The following STAM variants were observed in gnomAD, a reference collection of about 807,000 sequenced individuals.
STAM encodes signal transducing adaptor molecule.
In STAM, 16 loss-of-function variants were observed where a neutral mutation model predicts 63.4. The ratio of observed to expected loss-of-function variants is 0.25; its 90% CI spans 0.17 to 0.38. The LOEUF is 0.38. Ranked by LOEUF, STAM falls within the 10% of genes least tolerant of loss-of-function variation. STAM has a pLI of 1.00. For synonymous variants in STAM, 238 were observed against 223.9 expected (o/e 1.06, Z -0.56); for missense variants, 636 against 657.1 (o/e 0.97, Z 0.35).
chr10:17,710,187 T>A (rs1406411174), intron 13 of STAM, among the ~76,000 whole-genome samples: 2 of 152,110 alleles, frequency 1.3e-5, no homozygotes, highest in African/African-American at 4.8e-5. Context: ...TTTGACTATG[T>A]CACATGCTGC....
At position 17,694,809 on chromosome 10, in the gene STAM, TGTTCA is replaced by T. The variant is rs1835684604; in HGVS notation, c.536-237_536-233del. ...TACCCAGAATAATTTACATTGTATT[TGTTCA>T]GTAAAAATAGGAGTTTTCATGCTGT... On this transcript the variant is annotated intron_variant, in intron 6 of 13. Coordinates refer to ENST00000377524, the MANE Select transcript of STAM (RefSeq NM_003473.4). 2.1e-5 allele frequency: 8 copies of T among 376,690 alleles called. No homozygotes were observed. The East Asian group carries it at 3.3e-4, about 15-fold the overall frequency. 23.3% of individuals were successfully genotyped at this position (376,690 alleles called of 1,614,324 possible).
intron 10 of STAM, 31 bp downstream of exon 10, chr10:17,704,549 A>C: frequency 6.4e-7 from 1 of 1,560,222 alleles, no homozygotes; most frequent in Non-Finnish European, 8.8e-7. Flanking sequence ...TTGCAAATAA[A>C]GAGTAGTTAG....
At position 17,705,670 on chromosome 10, in the gene STAM, A is replaced by T. The variant is rs537963189; in HGVS notation, c.1138A>T (p.Met380Leu). 1.2e-6 allele frequency: 2 copies of T among 1,614,046 alleles called. No homozygotes were observed. The highest frequency in any genetic ancestry group is 3.3e-5 in the Admixed American group (2 of 60,012). Residue 380 changes from methionine (M) to leucine (L), a missense_variant, in exon 12 of 14, where the codon ATG becomes TTG. Transcript: ENST00000377524. ...LYTKLMNEDP[M>L]YSMYAKLQNQ... ...TACCAAGTTAATGAACGAAGATCCG[A>T]TGTATTCCATGTATGCAAAGTTACA...
chr10:17,647,584 C>T (rs782187336), intron 1 of STAM, among the ~76,000 whole-genome samples: 11 of 151,982 alleles, frequency 7.2e-5, no homozygotes, highest in Non-Finnish European at 1.3e-4. Flanking sequence ...TGCTTGGATT[C>T]AGTCCCAGGT....
At chr10:17,684,591 C>T (rs1228399004) in intron 2 of STAM, 84 bp from the exon 3 acceptor site, 13 of 1,010,782 alleles carry the variant, frequency 1.3e-5, no homozygotes, top group Admixed American at 2.6e-5. Context: ...CCCTTTTTAT[C>T]GTAGTCTTTT....
chr10:17,699,188 G>C (rs1359506), intron 8 of STAM, among the ~76,000 whole-genome samples: 2,919 of 152,168 alleles, frequency 0.019, 30 homozygotes, highest in Middle Eastern at 0.027. Flanking sequence ...TTTTACAAAA[G>C]TTTTTAATCT....
chr10:17,673,028 G>A (rs1834704244), intron 2 of STAM: 2 of 985,368 alleles, frequency 2.0e-6, no homozygotes, highest in Non-Finnish European at 2.4e-6. Context: ...CCAAAATGGG[G>A]TTTTAAGAAG....
intron 2 of STAM, among the ~76,000 whole-genome samples, chr10:17,683,414 G>A (rs1315956846): frequency 6.6e-6 from 1 of 151,952 alleles, no homozygotes; most frequent in Non-Finnish European, 1.5e-5. Context: ...TGCCCACCTC[G>A]GCCTCCCAAA....
intron 2 of STAM, among the ~76,000 whole-genome samples, chr10:17,674,369 C>T (rs781808328): frequency 5.3e-5 from 8 of 152,046 alleles, no homozygotes; most frequent in Non-Finnish European, 1.0e-4. Context: ...GCAGTTCTTG[C>T]GTGGGGTCTG....
intron 1 of STAM, among the ~76,000 whole-genome samples, chr10:17,658,152 A>C (rs1324678500): frequency 6.6e-6 from 1 of 151,946 alleles, no homozygotes; most frequent in Non-Finnish European, 1.5e-5. Flanking sequence ...AATTTTGCGA[A>C]GTTGTATTTT....
At chr10:17,693,169 A>C (rs1835614107) in intron 5 of STAM, 53 bp from the exon 6 acceptor site, 2 of 1,513,632 alleles carry the variant, frequency 1.3e-6, no homozygotes, top group Non-Finnish European at 1.8e-6. Context: ...GGTGGGTGAG[A>C]GGAGGAGAAT....
At chr10:17,692,289 GAA>G (rs1564558466) in intron 5 of STAM, among the ~76,000 whole-genome samples, 2 of 152,302 alleles carry the variant, frequency 1.3e-5, no homozygotes, top group East Asian at 3.9e-4. Context: ...ACAAACAAGA[GAA>G]TGTGTAATTA....
chr10:17,690,682 C>G (rs897710614), intron 5 of STAM, among the ~76,000 whole-genome samples: 1 of 152,086 alleles, frequency 6.6e-6, no homozygotes, highest in Non-Finnish European at 1.5e-5. Context: ...TTAACAAAAA[C>G]CTCTGAAGAT....
chr10:17,704,619 C>T (rs1182145521), intron 10 of STAM, 101 bp downstream of exon 10: 7 of 1,010,126 alleles, frequency 6.9e-6, no homozygotes, highest in Non-Finnish European at 1.1e-5. Context: ...AAAAATGGAA[C>T]ATTTCTCACT....
rs147439988 is a variant in STAM at position 17,707,029 on chromosome 10, G to C, written c.1209+1288G>C. On this transcript the variant is annotated intron_variant, in intron 12 of 13. Transcript: ENST00000377524. ...AATGCATGCAATGCAGTGTAGAGCC[G>C]TTTGCTTTCTTTTCACCCCAAGCAA... Among the ~76,000 whole-genome samples the C allele has an allele frequency of 5.3e-3, 805 of 151,492 alleles. 3 individuals carry two copies. Among genetic ancestry groups the C allele is most frequent in the African/African-American group, 0.019 (775 of 41,242 alleles).
chr10:17,668,376 A>G (rs1267867696), intron 2 of STAM, among the ~76,000 whole-genome samples: 5 of 152,228 alleles, frequency 3.3e-5, no homozygotes, highest in South Asian at 2.1e-4. Context: ...AATTTCCCCA[A>G]TTATTCACAT....
chr10:17,645,128 T>A (rs7903444), intron 1 of STAM, among the ~76,000 whole-genome samples: 11,526 of 152,268 alleles, frequency 0.076, 478 homozygotes, highest in Middle Eastern at 0.14. Flanking sequence ...TTTTTAATTT[T>A]ATTTTATTTT....
intron 1 of STAM, among the ~76,000 whole-genome samples, chr10:17,653,974 G>A (rs909280468): frequency 1.3e-5 from 2 of 152,266 alleles, no homozygotes; most frequent in South Asian, 2.1e-4. Flanking sequence ...ATCCTGAAGG[G>A]TAGTGGGAAC....
chr10:17,708,801 G>C lies in STAM; in HGVS notation c.1235G>C (p.Gly412Ala). Residue 412 changes from glycine (G) to alanine (A), a missense_variant, in exon 13 of 14, where the codon GGT becomes GCT. Gly to Ala is a moderately conservative substitution (Grantham distance 60). This residue lies in a region of STAM where 532 missense variants were observed against 536.9 expected (regional missense o/e 0.99). Transcript: ENST00000377524. The stretch of plus-strand genomic sequence containing the variant: ...GTGTATGCAGGGCCTCCTCCAAGTG[G>C]TGCCTACCTGGTTGCAGGGAACGCG... ...SQVYAGPPPS[G>A]AYLVAGNAQM... 4.3e-6 allele frequency: 7 copies of C among 1,613,808 alleles called. No homozygotes were observed. The highest frequency in any genetic ancestry group is 5.9e-6 in the Non-Finnish European group (7 of 1,179,792).
Sources: gnomAD v4.1 joint callset for allele counts (sites outside exome capture counted in the v4.1 genomes callset) on GRCh38, gnomAD v4.1.1 for gene constraint, gnomAD v4.1.1 regional missense constraint, MANE v1.5 for transcripts, NCBI Gene and HGNC (gene_info 2026-07-23, HGNC 2026-07-21) for gene names.